The following SPATA6L variants were observed in gnomAD, a reference collection of about 807,000 sequenced individuals.
SPATA6L encodes the protein spermatogenesis associated 6-like protein.
In SPATA6L, 68 loss-of-function variants were observed where a neutral mutation model predicts 49.2. That is an observed-to-expected ratio of 1.38 (90% CI 1.14 to 1.69). The LOEUF is 1.69. SPATA6L is among the 40% of genes most tolerant of loss of function. The pLI is 0.00. For missense variants in SPATA6L, 668 were observed against 464.3 expected, an observed-to-expected ratio of 1.44 and a Z score of -4.03; for synonymous variants, 198 against 165.7, an observed-to-expected ratio of 1.19 and a Z score of -1.50.
chr9:4,654,973 C>T (rs1412578904), intron 3 of SPATA6L, among the ~76,000 whole-genome samples: 1 of 152,148 alleles, frequency 6.6e-6, no homozygotes, highest in Admixed American at 6.5e-5. Flanking sequence ...TGGTCCATAT[C>T]ATTTAAAGGT....
At position 4,606,245 on chromosome 9, in the gene SPATA6L, C is replaced by G. The variant is rs541445874; in HGVS notation, c.996-805G>C. 8.4e-5 allele frequency among the ~76,000 whole-genome samples: 12 copies of G among 143,560 alleles called. No individual in the cohort carries two copies. The South Asian group carries it at 1.8e-3, about 21-fold the overall frequency. 94.2% of individuals were successfully genotyped at this position (143,560 alleles called of 152,430 possible). A position where few individuals can be genotyped will look rare whatever the true frequency, so the allele number is the denominator to read the frequency against. ...GGAGGGGCGCCCGCCATTGCCCAGG[C>G]TTGCTGAGGTAAACAAAGCAGCCGG... is the stretch of plus-strand genomic sequence containing the variant. On this transcript the variant is annotated intron_variant, in intron 9 of 11. Transcript: ENST00000682582.
At chr9:4,603,795 T>G (rs1221653757) in intron 11 of SPATA6L, among the ~76,000 whole-genome samples, 1 of 151,452 alleles carries the variant, frequency 6.6e-6, no homozygotes, top group African/African-American at 2.4e-5. Flanking sequence ...TCATAGAAAA[T>G]CATAAGCCTG....
At chr9:4,612,591 A>G (rs933217569) in intron 9 of SPATA6L, among the ~76,000 whole-genome samples, 10 of 152,176 alleles carry the variant, frequency 6.6e-5, no homozygotes, top group African/African-American at 1.9e-4. Flanking sequence ...AGTTTCATTT[A>G]TCTATACCTC....
Position 4,600,393 on chromosome 9 carries a change from T to G in SPATA6L, c.*418A>C, listed in dbSNP as rs1822916756. 2 of 152,612 alleles carry G rather than the reference T, an allele frequency of 1.3e-5. No individual in the cohort carries two copies. Among genetic ancestry groups the G allele is most frequent in the South Asian group, 4.1e-4 (2 of 4,826 alleles). 9.5% of individuals were successfully genotyped at this position (152,612 alleles called of 1,614,324 possible). A position where few individuals can be genotyped will look rare whatever the true frequency, so the allele number is the denominator to read the frequency against. ...AAAAGAGAAAGTCAGGTTGATAGTC[T>G]TTCCTGGAGGATTTATCAGGTTATT... On this transcript the variant is annotated 3_prime_UTR_variant, in exon 12 of 12. Coordinates refer to ENST00000682582, the MANE Select transcript of SPATA6L (RefSeq NM_001353486.2).
chr9:4,641,384 A>C (rs1032496834), intron 3 of SPATA6L, among the ~76,000 whole-genome samples: 1 of 152,210 alleles, frequency 6.6e-6, no homozygotes, highest in Admixed American at 6.5e-5. Flanking sequence ...CGAAGGTAAA[A>C]AGAGCATAAT....
intron 1 of SPATA6L, chr9:4,665,383 C>T (rs1840707892): frequency 6.6e-6 from 1 of 152,260 alleles, no homozygotes; most frequent in African/African-American, 2.4e-5. Flanking sequence ...TATAGCACTA[C>T]TAATAAGGTC....
chr9:4,626,674 G>A, intron 5 of SPATA6L: 1 of 888,394 alleles, frequency 1.1e-6, no homozygotes, highest in South Asian at 1.7e-5. Context: ...TTCTGTTACA[G>A]TCACAAGTTT....
downstream of SPATA6L, among the ~76,000 whole-genome samples, chr9:4,596,865 C>A (rs1822301677): frequency 6.6e-6 from 1 of 152,200 alleles, no homozygotes; most frequent in Admixed American, 6.5e-5. Flanking sequence ...GGTTTGCAAA[C>A]TGGCTCTGAC....
intron 3 of SPATA6L, among the ~76,000 whole-genome samples, chr9:4,638,750 A>G (rs1833374660): frequency 6.6e-6 from 1 of 151,992 alleles, no homozygotes; most frequent in South Asian, 2.1e-4. Context: ...CCTGAAGCTT[A>G]TAGTGTTAAG....
chr9:4,608,690 G>A (rs377553786), intron 9 of SPATA6L, among the ~76,000 whole-genome samples: 2 of 150,044 alleles, frequency 1.3e-5, no homozygotes, highest in Non-Finnish European at 2.9e-5. Context: ...ACAAGAGAAA[G>A]CAGGAAAGAT....
At chr9:4,620,333 C>T (rs1828995621) in intron 7 of SPATA6L, among the ~76,000 whole-genome samples, 1 of 152,192 alleles carries the variant, frequency 6.6e-6, no homozygotes, top group Non-Finnish European at 1.5e-5. Context: ...AAACTCCTTC[C>T]TACCGGTTTT....
At chr9:4,656,214 G>A (rs913186899) in intron 2 of SPATA6L, 125 bp from the exon 3 acceptor site, 12 of 700,416 alleles carry the variant, frequency 1.7e-5, no homozygotes, top group Middle Eastern at 3.7e-4. Context: ...CGAGGTGGGT[G>A]TATTGCTTAA....
chr9:4,660,771 G>T (rs1839468289), intron 2 of SPATA6L, among the ~76,000 whole-genome samples: 1 of 152,174 alleles, frequency 6.6e-6, no homozygotes, highest in African/African-American at 2.4e-5. Context: ...GCAAAGACTT[G>T]GAACCAACCC....
chr9:4,664,951 G>A (rs1028212348), intron 1 of SPATA6L: 1 of 167,102 alleles, frequency 6.0e-6, no homozygotes, highest in African/African-American at 2.4e-5. Context: ...ACCTTAGCGA[G>A]ATCCTTTAAC....
In SPATA6L at chr9:4,605,390, C is replaced by T. The variant is rs756830132; in HGVS notation, c.1046G>A (p.Cys349Tyr). 1.2e-6 allele frequency: 2 copies of T among 1,614,186 alleles called. No individual in the cohort carries two copies. The highest frequency in any genetic ancestry group is 2.2e-5 in the East Asian group (1 of 44,886). Residue 349 changes from cysteine (C) to tyrosine (Y), a missense_variant, in exon 10 of 12, where the codon TGC becomes TAC. Coordinates refer to ENST00000682582, the MANE Select transcript of SPATA6L (RefSeq NM_001353486.2). ...TGCTCTGTGGGATGTCAGAAGACTG[C>T]ATACCCTCTCATGGATATTCTTCCA... is the stretch of plus-strand genomic sequence containing the variant. The part of the protein sequence containing the change: ...STWKNIHERV[C>Y]SLLTSHRAQL...
At chr9:4,612,213 A>G (rs981633482) in intron 9 of SPATA6L, among the ~76,000 whole-genome samples, 7 of 152,006 alleles carry the variant, frequency 4.6e-5, no homozygotes, top group Non-Finnish European at 8.8e-5. Flanking sequence ...GTACTCAGTG[A>G]TCCTCCTGCC....
At chr9:4,642,697 C>G (rs1476875377) in intron 3 of SPATA6L, among the ~76,000 whole-genome samples, 1 of 151,096 alleles carries the variant, frequency 6.6e-6, no homozygotes, top group Non-Finnish European at 1.5e-5. Flanking sequence ...CTCCCATGCT[C>G]TCTTAAGAAA....
chr9:4,603,416 C>T (rs1823863269), intron 11 of SPATA6L, among the ~76,000 whole-genome samples: 1 of 152,074 alleles, frequency 6.6e-6, no homozygotes, highest in African/African-American at 2.4e-5. Context: ...GGTGACAGAG[C>T]TCCATGTCAA....
intron 8 of SPATA6L, 69 bp from the exon 9 acceptor site, chr9:4,618,179 G>A: frequency 1.4e-6 from 2 of 1,400,950 alleles, no homozygotes; most frequent in East Asian, 2.4e-5. Flanking sequence ...CTGGGGGTGG[G>A]GGTTGGACAA....
Sources: allele counts gnomAD v4.1 joint callset (sites outside exome capture counted in the v4.1 genomes callset), GRCh38; gene constraint gnomAD v4.1.1; transcripts MANE v1.5; gene names NCBI Gene and HGNC (gene_info 2026-07-23, HGNC 2026-07-21).